Variants in PIK3C3 observed in about 807,000 individuals in gnomAD.
PIK3C3 encodes phosphatidylinositol 3-kinase catalytic subunit type 3, also known as PI3-kinase type 3.
Under a neutral mutation model 126.1 loss-of-function variants are expected in PIK3C3, and 95 were observed. The ratio of observed to expected loss-of-function variants is 0.75; its 90% CI spans 0.64 to 0.89. PIK3C3 has a LOEUF of 0.89. PIK3C3 is among the 40% of genes least tolerant of loss of function. The pLI is 0.00. For missense variants in PIK3C3, 829 were observed against 1,063.2 expected (o/e 0.78, Z 3.06); for synonymous variants, 374 against 360.0 (o/e 1.04, Z -0.44).
intron 20 of PIK3C3, among the ~76,000 whole-genome samples, chr18:42,045,710 C>T (rs1025585724): frequency 5.9e-5 from 9 of 152,040 alleles, no homozygotes; most frequent in Non-Finnish European, 1.0e-4. Flanking sequence ...TTTGAGGGGA[C>T]GGAATATATA....
intron 24 of PIK3C3, 64 bp downstream of exon 24, chr18:42,067,577 A>AGTACACG (rs1191849531): frequency 1.3e-6 from 2 of 1,553,518 alleles, no homozygotes; most frequent in African/African-American, 2.7e-5. Flanking sequence ...GAGTCCTTGG[A>AGTACACG]GAGCCATGCA....
At chr18:42,057,088 C>A (rs1362663298) in intron 21 of PIK3C3, among the ~76,000 whole-genome samples, 1 of 127,456 alleles carries the variant, frequency 7.8e-6, no homozygotes, top group Non-Finnish European at 1.6e-5. Flanking sequence ...ATTTTATGAT[C>A]TTAAATATGT....
intron 4 of PIK3C3, among the ~76,000 whole-genome samples, chr18:41,982,478 C>T (rs1981256529): frequency 6.6e-6 from 1 of 152,062 alleles, no homozygotes; most frequent in Non-Finnish European, 1.5e-5. Flanking sequence ...ATTCTTTGAG[C>T]TTTTATTATG....
chr18:42,028,967 C>G (rs1050864676), intron 14 of PIK3C3, among the ~76,000 whole-genome samples: 4 of 152,042 alleles, frequency 2.6e-5, no homozygotes, highest in Admixed American at 2.0e-4. Flanking sequence ...GTATATATGT[C>G]TAGCACATTT....
At chr18:42,004,869 G>A (rs1982467561) in intron 10 of PIK3C3, among the ~76,000 whole-genome samples, 1 of 152,174 alleles carries the variant, frequency 6.6e-6, no homozygotes, top group Non-Finnish European at 1.5e-5. Context: ...TGCAGCACCA[G>A]CTAGGGAATA....
intron 24 of PIK3C3, among the ~76,000 whole-genome samples, chr18:42,080,620 T>C (rs1365577571): frequency 1.3e-5 from 2 of 152,186 alleles, no homozygotes; most frequent in African/African-American, 4.8e-5. Flanking sequence ...ACACCATTAA[T>C]AGTGTTGGCC....
At chr18:41,959,315 T>C (rs2144288064) in intron 2 of PIK3C3, among the ~76,000 whole-genome samples, 1 of 152,310 alleles carries the variant, frequency 6.6e-6, no homozygotes, top group Non-Finnish European at 1.5e-5. Context: ...CCTCCTCCCA[T>C]TTGCCAACTC....
chr18:42,015,299 T>A (rs150597554), intron 11 of PIK3C3, among the ~76,000 whole-genome samples, 177 bp from the exon 12 acceptor site: 1 of 152,306 alleles, frequency 6.6e-6, no homozygotes, highest in East Asian at 1.9e-4. Flanking sequence ...TTACCCATAA[T>A]CTTTGACCAT....
At chr18:41,978,835 T>G (rs1981056323) in intron 4 of PIK3C3, among the ~76,000 whole-genome samples, 1 of 151,974 alleles carries the variant, frequency 6.6e-6, no homozygotes, top group Admixed American at 6.6e-5. Flanking sequence ...GTTTTAACAT[T>G]TACATGATGA....
intron 6 of PIK3C3, among the ~76,000 whole-genome samples, chr18:41,992,886 T>C (rs1017510061): frequency 6.6e-6 from 1 of 152,126 alleles, no homozygotes; most frequent in Non-Finnish European, 1.5e-5. Flanking sequence ...ATGCAACACA[T>C]CCATTGTGCC....
intron 21 of PIK3C3, among the ~76,000 whole-genome samples, chr18:42,054,149 T>TAAAGGGGA: frequency 4.8e-5 from 1 of 20,730 alleles, no homozygotes; most frequent in African/African-American, 3.1e-4. Flanking sequence ...TATATATATA[T>TAAAGGGGA]ATATATATAT....
chr18:42,040,459 A>T (rs1236892483), intron 18 of PIK3C3, among the ~76,000 whole-genome samples: 1 of 152,138 alleles, frequency 6.6e-6, no homozygotes, highest in Non-Finnish European at 1.5e-5. Context: ...CTAGAGAAAC[A>T]TACAGACTAA....
chr18:41,982,119 A>C (rs1981236367), intron 4 of PIK3C3, among the ~76,000 whole-genome samples: 2 of 152,204 alleles, frequency 1.3e-5, no homozygotes, highest in Admixed American at 1.3e-4. Flanking sequence ...ATTGTCTTCA[A>C]GTATTTATTA....
chr18:42,066,426 C>T (rs1028900127), intron 23 of PIK3C3, among the ~76,000 whole-genome samples: 2 of 152,096 alleles, frequency 1.3e-5, no homozygotes, highest in African/African-American at 4.8e-5. Flanking sequence ...CCATTTTCTC[C>T]TAGCCTGTCT....
chr18:42,076,573 C>T (rs1377208322), intron 24 of PIK3C3, among the ~76,000 whole-genome samples: 1 of 152,118 alleles, frequency 6.6e-6, no homozygotes, highest in African/African-American at 2.4e-5. Flanking sequence ...AGCATTGCTG[C>T]ACAACTACCC....
At position 41,995,979 on chromosome 18, in the gene PIK3C3, G is replaced by A. The variant is rs776663346; in HGVS notation, c.876G>A (p.Thr292=). The A allele has an allele frequency of 6.9e-6, 11 of 1,604,578 alleles. No individual in the cohort carries two copies. The highest frequency in any genetic ancestry group is 2.2e-5 in the East Asian group (1 of 44,782). ...SDHDLKPNAA[T]RDQLNIIVSY... Reference sequence around the variant, plus strand: ...ACGATCTGAAACCCAATGCTGCCACGAGAGATCAGTTAAATGTAAGAGAAT... The same window carrying A: ...ACGATCTGAAACCCAATGCTGCCACAAGAGATCAGTTAAATGTAAGAGAAT... Residue 292 remains threonine, a synonymous_variant, in exon 8 of 25, where the codon ACG becomes ACA. Coordinates refer to ENST00000262039, the MANE Select transcript of PIK3C3 (RefSeq NM_002647.4).
chr18:42,072,621 T>G (rs548546029), intron 24 of PIK3C3, among the ~76,000 whole-genome samples: 2 of 152,164 alleles, frequency 1.3e-5, no homozygotes, highest in Non-Finnish European at 2.9e-5. Context: ...AGCCTTGACC[T>G]CCTGGGCTTG....
In PIK3C3 at chr18:41,987,917, T is replaced by C; in HGVS notation, c.618+19T>C. 1 of 1,362,518 alleles carries C rather than the reference T, an allele frequency of 7.3e-7. No homozygotes were observed. Among genetic ancestry groups the C allele is most frequent in the Non-Finnish European group, 1.0e-6 (1 of 983,702 alleles). The allele number at this position is 1,362,518 out of a possible 1,614,324, so 84.4% of individuals were successfully genotyped here. A position where few individuals can be genotyped will look rare whatever the true frequency, so the allele number is the denominator to read the frequency against. ...AAATGAGGTGGGTTATATCACTCTTTTATTTTAAAATATTTTCTGTAAATT... is the reference window on the plus strand; with the variant it reads ...AAATGAGGTGGGTTATATCACTCTTCTATTTTAAAATATTTTCTGTAAATT... On this transcript the variant is annotated intron_variant, in intron 5 of 24. Transcript: ENST00000262039.
intron 3 of PIK3C3, among the ~76,000 whole-genome samples, 155 bp downstream of exon 3, chr18:41,962,787 A>G (rs994391936): frequency 5.9e-5 from 9 of 152,228 alleles, no homozygotes; most frequent in Middle Eastern, 3.2e-3. Flanking sequence ...TGATTTTAAC[A>G]TATATTTCCT....
Sources: allele counts gnomAD v4.1 joint callset (sites outside exome capture counted in the v4.1 genomes callset), GRCh38; gene constraint gnomAD v4.1.1; transcripts MANE v1.5; gene names NCBI Gene and HGNC (gene_info 2026-07-23, HGNC 2026-07-21).